Variants in ULK4 observed in about 807,000 individuals in gnomAD.
The protein encoded by ULK4 is inactive serine/threonine-protein kinase ULK4.
ULK4 carries 133 observed loss-of-function variants against 160.6 expected under a neutral mutation model. The ratio of observed to expected loss-of-function variants is 0.83; its 90% CI spans 0.72 to 0.96. The LOEUF is 0.96. Ranked by LOEUF, ULK4 falls within the 40% of genes least tolerant of loss-of-function variation. ULK4 has a pLI of 0.00. For missense variants in ULK4, 1,580 were observed against 1,499.5 expected, an observed-to-expected ratio of 1.05 and a Z score of -0.89; for synonymous variants, 534 against 539.8, an observed-to-expected ratio of 0.99 and a Z score of 0.15.
Position 41,721,140 on chromosome 3 carries a change from A to T in ULK4, c.2322-3279T>A, listed in dbSNP as rs2037439541. Reference sequence around the variant, plus strand: ...AAAGGGAGGGAAATAATCCATATTCATATTTGCTTAGATTTTTAAAAAATC... The same window carrying T: ...AAAGGGAGGGAAATAATCCATATTCTTATTTGCTTAGATTTTTAAAAAATC... On this transcript the variant is annotated intron_variant, in intron 22 of 36. Transcript: ENST00000301831. Among the ~76,000 whole-genome samples, 5 of 151,448 alleles carry T rather than the reference A, an allele frequency of 3.3e-5. No homozygotes were observed. The South Asian group carries it at 1.0e-3, about 32-fold the overall frequency.
At chr3:41,844,604 G>T (rs1406677905) in intron 17 of ULK4, among the ~76,000 whole-genome samples, 1 of 152,178 alleles carries the variant, frequency 6.6e-6, no homozygotes, top group Admixed American at 6.5e-5. Flanking sequence ...AGCCCAGAAA[G>T]GAGTTCCCAC....
intron 35 of ULK4, among the ~76,000 whole-genome samples, chr3:41,366,504 C>T (rs139653349): frequency 8.0e-4 from 122 of 151,698 alleles, no homozygotes; most frequent in African/African-American, 2.7e-3. Context: ...TCAATTGATT[C>T]TACAAATGAA....
chr3:41,739,042 C>G (rs1247092944), intron 22 of ULK4, among the ~76,000 whole-genome samples: 1 of 151,852 alleles, frequency 6.6e-6, no homozygotes, highest in Non-Finnish European at 1.5e-5. Flanking sequence ...TACTATTCTC[C>G]TTTTGATAAA....
chr3:41,502,275 C>T (rs2085237276), intron 32 of ULK4, among the ~76,000 whole-genome samples: 1 of 152,220 alleles, frequency 6.6e-6, no homozygotes, highest in African/African-American at 2.4e-5. Context: ...AACCACTATA[C>T]TGTTTTCCAC....
chr3:41,482,011 G>A (rs1297747313), intron 32 of ULK4, among the ~76,000 whole-genome samples: 3 of 152,132 alleles, frequency 2.0e-5, no homozygotes, highest in African/African-American at 7.2e-5. Flanking sequence ...CCTAGGGTGG[G>A]TGCGTTCCTC....
chr3:41,257,021 C>A (rs1424351158), intron 35 of ULK4, among the ~76,000 whole-genome samples: 1 of 152,048 alleles, frequency 6.6e-6, no homozygotes, highest in Non-Finnish European at 1.5e-5. Context: ...GCCACCATGC[C>A]CAGCTAAAAA....
intron 32 of ULK4, among the ~76,000 whole-genome samples, chr3:41,557,278 T>G (rs11926714): frequency 6.6e-6 from 1 of 151,364 alleles, no homozygotes; most frequent in Non-Finnish European, 1.5e-5. Flanking sequence ...CCCACTCTAT[T>G]TGAAACTTGT....
At chr3:41,477,003 C>T (rs2084165176) in intron 32 of ULK4, among the ~76,000 whole-genome samples, 1 of 152,178 alleles carries the variant, frequency 6.6e-6, no homozygotes, top group African/African-American at 2.4e-5. Context: ...CTCAGAGATG[C>T]TGTTGGGATG....
Position 41,733,067 on chromosome 3 carries a change from T to C in ULK4, c.2322-15206A>G, listed in dbSNP as rs138380683. Reference sequence around the variant, plus strand: ...GTAAGGTGACTATTACAATATTGTATTATATATTTCAGCATCTCAAAATAA... The same window carrying C: ...GTAAGGTGACTATTACAATATTGTACTATATATTTCAGCATCTCAAAATAA... On this transcript the variant is annotated intron_variant, in intron 22 of 36. Transcript: ENST00000301831. Among the ~76,000 whole-genome samples, 31 of 152,262 alleles carry C rather than the reference T, an allele frequency of 2.0e-4. 1 individual carries two copies. Among genetic ancestry groups the C allele is most frequent in the Non-Finnish European group, 8.8e-5 (6 of 68,006 alleles).
chr3:41,836,310 T>C (rs2041755204), intron 17 of ULK4, among the ~76,000 whole-genome samples: 1 of 152,008 alleles, frequency 6.6e-6, no homozygotes, highest in Non-Finnish European at 1.5e-5. Context: ...GTAGCTGGGA[T>C]TACAAGCGCA....
rs560626929 is a variant in ULK4 at position 41,427,930 on chromosome 3, G to A, written c.3492+27567C>T. 2.6e-5 allele frequency among the ~76,000 whole-genome samples: 4 copies of A among 152,220 alleles called. No individual in the cohort carries two copies. In the East Asian group the frequency reaches 7.7e-4, roughly 29 times the overall value. On this transcript the variant is annotated intron_variant, in intron 34 of 36. Transcript: ENST00000301831. ...TAGAAGTTCTGGCCAGGGCAATCAAGCAAGAGAAAGAAATAAAGGGTATTA... is the reference window on the plus strand; with the variant it reads ...TAGAAGTTCTGGCCAGGGCAATCAAACAAGAGAAAGAAATAAAGGGTATTA...
chr3:41,708,019 C>T (rs892317372), intron 25 of ULK4, among the ~76,000 whole-genome samples: 4 of 151,450 alleles, frequency 2.6e-5, no homozygotes, highest in Admixed American at 2.6e-4. Flanking sequence ...ATAACAAGGA[C>T]CAGTGAGGAT....
chr3:41,446,206 C>A (rs557105572), intron 34 of ULK4, among the ~76,000 whole-genome samples: 107 of 152,196 alleles, frequency 7.0e-4, no homozygotes, highest in Admixed American at 2.5e-3. Context: ...GAATGGCAAT[C>A]ATTAAAAAGT....
chr3:41,769,256 C>T (rs1276805630), intron 21 of ULK4, among the ~76,000 whole-genome samples: 2 of 152,168 alleles, frequency 1.3e-5, no homozygotes, highest in South Asian at 2.1e-4. Context: ...ATGACTTTGA[C>T]TCCCTACAAC....
chr3:41,625,066 C>A (rs1197408315), intron 30 of ULK4, among the ~76,000 whole-genome samples: 1 of 152,164 alleles, frequency 6.6e-6, no homozygotes, highest in Non-Finnish European at 1.5e-5. Context: ...AGGGTGGCTG[C>A]AAACATTTAC....
intron 35 of ULK4, among the ~76,000 whole-genome samples, chr3:41,360,388 C>A (rs2081118108): frequency 6.6e-6 from 1 of 152,126 alleles, no homozygotes; most frequent in South Asian, 2.1e-4. Context: ...GGCAGAAATA[C>A]CATTTAACCC....
At chr3:41,898,770 A>G (rs1433553138) in intron 13 of ULK4, among the ~76,000 whole-genome samples, 1 of 152,248 alleles carries the variant, frequency 6.6e-6, no homozygotes, top group Non-Finnish European at 1.5e-5. Context: ...ATTTACCTCT[A>G]ATTAGAAATT....
At chr3:41,313,750 TG>T (rs1202226517) in intron 35 of ULK4, among the ~76,000 whole-genome samples, 1 of 152,214 alleles carries the variant, frequency 6.6e-6, no homozygotes, top group Non-Finnish European at 1.5e-5. Flanking sequence ...AAAACATACC[TG>T]GAAGTTCCTT....
chr3:41,863,904 C>T (rs924957622), intron 17 of ULK4, among the ~76,000 whole-genome samples: 2 of 151,800 alleles, frequency 1.3e-5, no homozygotes, highest in African/African-American at 4.8e-5. Flanking sequence ...GCTATGCAGC[C>T]TGGGGTTGGG....
Sources: allele counts gnomAD v4.1 joint callset (sites outside exome capture counted in the v4.1 genomes callset), GRCh38; gene constraint gnomAD v4.1.1; transcripts MANE v1.5; gene names NCBI Gene and HGNC (gene_info 2026-07-23, HGNC 2026-07-21).